ARMC9: variants seen among roughly 807,000 people sequenced by gnomAD.
ARMC9 encodes lisH domain-containing protein ARMC9.
Under a neutral mutation model 107.0 loss-of-function variants are expected in ARMC9, and 94 were observed. That is an observed-to-expected ratio of 0.88 (90% CI 0.74 to 1.04). The LOEUF (loss-of-function observed/expected upper bound fraction) is 1.04. Ranked by LOEUF, ARMC9 falls within the 50% of genes least tolerant of loss-of-function variation. The probability of loss-of-function intolerance (pLI) is 0.00; values close to 1 mark genes in which losing one functional copy is unlikely to be tolerated. For synonymous variants in ARMC9, 380 were observed against 396.9 expected, an observed-to-expected ratio of 0.96 and a Z score of 0.51; for missense variants, 942 against 1,030.1, an observed-to-expected ratio of 0.91 and a Z score of 1.17.
intron 17 of ARMC9, among the ~76,000 whole-genome samples, chr2:231,290,933 A>C (rs564114484): frequency 7.3e-6 from 1 of 137,608 alleles, no homozygotes; most frequent in African/African-American, 2.8e-5. Context: ...AATATTGTGC[A>C]GTAAAATTTT....
At chr2:231,208,455 C>G (rs1460399617) in intron 3 of ARMC9, among the ~76,000 whole-genome samples, 1 of 152,212 alleles carries the variant, frequency 6.6e-6, no homozygotes, top group African/African-American at 2.4e-5. Flanking sequence ...CATATAAGAT[C>G]TTTCACAAAC....
rs1559286587 is a variant in ARMC9 at position 231,208,109 on chromosome 2, ATTAT to A, written c.52-11_52-8del. On this transcript the variant is annotated splice_polypyrimidine_tract_variant and intron_variant, in intron 2 of 24. Coordinates refer to ENST00000611582, the MANE Select transcript of ARMC9 (RefSeq NM_001352754.2). The stretch of plus-strand genomic sequence containing the variant: ...TTTGTTTGTTTTGCTGTTGAATTGA[ATTAT>A]TTATTTTTTATAGTATTTAGATTTT... The A allele has an allele frequency of 2.7e-6, 3 of 1,102,766 alleles. No homozygotes were observed. The South Asian group carries it at 4.2e-5, about 15-fold the overall frequency. 68.3% of individuals were successfully genotyped at this position (1,102,766 alleles called of 1,614,324 possible).
Position 231,297,725 on chromosome 2 carries a change from G to A in ARMC9, c.1773+1472G>A, listed in dbSNP as rs1434225314. ...GTTTGCCAGCCCCTAGGCAGTTCCC[G>A]GACTTGGGCAGCCTTCTCTTGATTA... On this transcript the variant is annotated intron_variant, in intron 19 of 24. Transcript: ENST00000611582. The surrounding 1 kb of genome is among the most constrained non-coding windows in gnomAD (Gnocchi z 4.2). 6.6e-6 allele frequency among the ~76,000 whole-genome samples: 1 copy of A among 152,172 alleles called. No homozygotes were observed. The highest frequency in any genetic ancestry group is 1.5e-5 in the Non-Finnish European group (1 of 68,028).
chr2:231,338,237 T>TA, intron 20 of ARMC9, among the ~76,000 whole-genome samples: 1 of 152,026 alleles, frequency 6.6e-6, no homozygotes, highest in South Asian at 2.1e-4. Flanking sequence ...TTTTTTTTTT[T>TA]TAAAACAGTC....
chr2:231,365,314 C>T (rs1329457134), intron 23 of ARMC9, among the ~76,000 whole-genome samples: 2 of 152,178 alleles, frequency 1.3e-5, no homozygotes, highest in Non-Finnish European at 2.9e-5. Flanking sequence ...TTTATTAGAG[C>T]AGCCTGGCCC....
intron 7 of ARMC9, among the ~76,000 whole-genome samples, chr2:231,232,231 G>A (rs2035300217): frequency 6.6e-6 from 1 of 151,030 alleles, no homozygotes; most frequent in Non-Finnish European, 1.5e-5. Context: ...TCACTATGTT[G>A]GCCAGGGTGG....
At chr2:231,296,021 T>A in intron 18 of ARMC9, 177 bp from the exon 19 acceptor site, 1 of 426,310 alleles carries the variant, frequency 2.3e-6, no homozygotes, top group South Asian at 8.0e-5. Context: ...TAAAATTGCT[T>A]AGGATGATCT....
intron 20 of ARMC9, among the ~76,000 whole-genome samples, chr2:231,342,069 C>T (rs2044548855): frequency 6.6e-6 from 1 of 152,198 alleles, no homozygotes; most frequent in African/African-American, 2.4e-5. Context: ...TAAGATCCTT[C>T]AGCCCACAAA....
chr2:231,261,699 T>G (rs1220437563), intron 11 of ARMC9, among the ~76,000 whole-genome samples: 1 of 152,186 alleles, frequency 6.6e-6, no homozygotes, highest in Admixed American at 6.5e-5. Context: ...AAGAAATGCT[T>G]CTCTGGGCAT....
rs2041437156 is a variant in ARMC9 at position 231,297,248 on chromosome 2, T to A, written c.1773+995T>A. Among the ~76,000 whole-genome samples the A allele has an allele frequency of 6.6e-6, 1 of 152,206 alleles. No homozygotes were observed. The highest frequency in any genetic ancestry group is 1.5e-5 in the Non-Finnish European group (1 of 68,026). On this transcript the variant is annotated intron_variant, in intron 19 of 24. Transcript: ENST00000611582. This position sits in a 1 kb window ranked among gnomAD's most constrained non-coding sequence, Gnocchi z 4.2. ...AGCGGGTACGTGCTCCTGCTGGCTC[T>A]TCCTGCCTTGTCCAGCAGTGCAGAG...
At chr2:231,305,087 A>G (rs1009425273) in intron 19 of ARMC9, among the ~76,000 whole-genome samples, 1 of 152,240 alleles carries the variant, frequency 6.6e-6, no homozygotes, top group Non-Finnish European at 1.5e-5. Context: ...ATCTGCCTGT[A>G]CATTCCAAAA....
chr2:231,255,706 T>C lies in ARMC9; in HGVS notation c.880-880T>C, dbSNP rs1183584877. ...TTAGTTTGGGTTGATTTTTACATCG[T>C]ATGTGACTTTGGTTGGTGAATCCTG... On this transcript the variant is annotated intron_variant, in intron 9 of 24. Coordinates refer to ENST00000611582, the MANE Select transcript of ARMC9 (RefSeq NM_001352754.2). The surrounding 1 kb of genome is among the most constrained non-coding windows in gnomAD (Gnocchi z 4.7). 6.6e-6 allele frequency among the ~76,000 whole-genome samples: 1 copy of C among 152,188 alleles called. No individual in the cohort carries two copies. Among genetic ancestry groups the C allele is most frequent in the Non-Finnish European group, 1.5e-5 (1 of 68,030 alleles).
intron 18 of ARMC9, among the ~76,000 whole-genome samples, chr2:231,292,384 G>A (rs1029965955): frequency 2.0e-5 from 3 of 152,012 alleles, no homozygotes; most frequent in Non-Finnish European, 4.4e-5. Context: ...AGGGTCCTGG[G>A]GTCAGATAAT....
intron 6 of ARMC9, 127 bp downstream of exon 6, chr2:231,222,947 A>G (rs932068010): frequency 3.5e-6 from 2 of 571,222 alleles, no homozygotes; most frequent in African/African-American, 1.9e-5. Context: ...TTGCTTTCAT[A>G]TTTACAAGGT....
intron 24 of ARMC9, chr2:231,370,466 T>C: frequency 4.5e-6 from 1 of 223,780 alleles, no homozygotes; most frequent in Non-Finnish European, 8.7e-6. Flanking sequence ...GAGCTGGCCC[T>C]GCTGCCCCGG....
rs1025349276 is a variant in ARMC9 at position 231,255,563 on chromosome 2, TAAAG to T, written c.880-1022_880-1019del. Among the ~76,000 whole-genome samples, 2 of 151,794 alleles carry T rather than the reference TAAAG, an allele frequency of 1.3e-5. No homozygotes were observed. Among genetic ancestry groups the T allele is most frequent in the Admixed American group, 6.6e-5 (1 of 15,218 alleles). On this transcript the variant is annotated intron_variant, in intron 9 of 24. Coordinates refer to ENST00000611582, the MANE Select transcript of ARMC9 (RefSeq NM_001352754.2). This position sits in a 1 kb window ranked among gnomAD's most constrained non-coding sequence, Gnocchi z 4.7. Reference sequence around the variant, plus strand: ...GTTTTTGTTTTTTTTCTAAAGAAAATAAAGGAATCAAAGAATGGTTACTCCGTAG... The same window carrying T: ...GTTTTTGTTTTTTTTCTAAAGAAAATGAATCAAAGAATGGTTACTCCGTAG...
intron 19 of ARMC9, among the ~76,000 whole-genome samples, chr2:231,324,123 C>CTTTTTTTT (rs71296842): frequency 1.1e-3 from 94 of 89,248 alleles, no homozygotes; most frequent in Non-Finnish European, 1.2e-3. Context: ...TTGTAAAGTA[C>CTTTTTTTT]TTTTTTTTTT....
chr2:231,355,877 GAGGCTGTCTACAGGGAGGGCAAGCCC>G lies in ARMC9; in HGVS notation c.2077_2102del (p.Ala693HisfsTer266). On this transcript the variant is annotated frameshift_variant, in exon 22 of 25. Coordinates refer to ENST00000611582, the MANE Select transcript of ARMC9 (RefSeq NM_001352754.2). LOFTEE classifies it high-confidence loss of function. The stretch of plus-strand genomic sequence containing the variant: ...CCCGCAGGCCCTGCCAGCCGCTCAC[GAGGCTGTCTACAGGGAGGGCAAGCCC>G]AGCACCCCGGAGTCCTGCGTCTCCT... 1 of 1,536,078 alleles carries G rather than the reference GAGGCTGTCTACAGGGAGGGCAAGCCC, an allele frequency of 6.5e-7. No individual in the cohort carries two copies. Among genetic ancestry groups the G allele is most frequent in the African/African-American group, 1.4e-5 (1 of 73,154 alleles).
At chr2:231,315,136 G>C (rs550815797) in intron 19 of ARMC9, among the ~76,000 whole-genome samples, 5 of 151,940 alleles carry the variant, frequency 3.3e-5, no homozygotes, top group Middle Eastern at 3.4e-3. Context: ...TTACTTGGGA[G>C]GCTGAGGCAG....
Sources: allele counts gnomAD v4.1 joint callset (sites outside exome capture counted in the v4.1 genomes callset), GRCh38; gene constraint gnomAD v4.1.1; non-coding constraint Gnocchi (gnomAD v3.1); transcripts MANE v1.5; gene names NCBI Gene and HGNC (gene_info 2026-07-23, HGNC 2026-07-21).